The following ADAMTS19 variants were observed in gnomAD, a reference collection of about 807,000 sequenced individuals.
The protein encoded by ADAMTS19 is ADAM metallopeptidase with thrombospondin type 1 motif 19.
ADAMTS19 carries 93 observed loss-of-function variants against 153.3 expected under a neutral mutation model. The ratio of observed to expected loss-of-function variants is 0.61; its 90% CI spans 0.51 to 0.72. The LOEUF (loss-of-function observed/expected upper bound fraction) is 0.72. Among genes scored for constraint, ADAMTS19 ranks in the 30% least tolerant of loss-of-function variants. The pLI is 0.00. For missense variants in ADAMTS19, 1,482 were observed against 1,552.1 expected, an observed-to-expected ratio of 0.95 and a Z score of 0.76; for synonymous variants, 600 against 556.6, an observed-to-expected ratio of 1.08 and a Z score of -1.10.
intron 19 of ADAMTS19, among the ~76,000 whole-genome samples, chr5:129,695,460 G>C (rs917963770): frequency 6.6e-6 from 1 of 152,156 alleles, no homozygotes; most frequent in African/African-American, 2.4e-5. Flanking sequence ...TTCACAAGTA[G>C]AGGACAAAAC....
chr5:129,714,849 T>C (rs1211819296), intron 21 of ADAMTS19, among the ~76,000 whole-genome samples: 1 of 152,224 alleles, frequency 6.6e-6, no homozygotes, highest in Non-Finnish European at 1.5e-5. Context: ...TTGCTAACCA[T>C]ATTTATGAAG....
chr5:129,622,799 A>G (rs1474881181), intron 10 of ADAMTS19, among the ~76,000 whole-genome samples: 2 of 152,186 alleles, frequency 1.3e-5, no homozygotes, highest in Non-Finnish European at 2.9e-5. Context: ...AATACTTTAA[A>G]TCATCCCTAG....
intron 2 of ADAMTS19, among the ~76,000 whole-genome samples, chr5:129,507,661 CGTGTGT>C (rs71749669): frequency 2.1e-5 from 3 of 142,282 alleles, no homozygotes; most frequent in South Asian, 2.3e-4. Context: ...TGCCTGTGTA[CGTGTGT>C]GTGTGTGTGT....
intron 8 of ADAMTS19, among the ~76,000 whole-genome samples, chr5:129,616,550 C>G (rs531513818): frequency 6.6e-6 from 1 of 152,166 alleles, no homozygotes; most frequent in Admixed American, 6.6e-5. Flanking sequence ...GCTTCTCCAG[C>G]TTTCCGCAGG....
At chr5:129,555,748 C>T (rs1479830510) in intron 7 of ADAMTS19, among the ~76,000 whole-genome samples, 1 of 152,148 alleles carries the variant, frequency 6.6e-6, no homozygotes, top group Non-Finnish European at 1.5e-5. Flanking sequence ...CTAGACTCTA[C>T]CTCAGATCTT....
intron 7 of ADAMTS19, among the ~76,000 whole-genome samples, chr5:129,552,484 C>T (rs1229536125): frequency 6.6e-6 from 1 of 151,314 alleles, no homozygotes; most frequent in Non-Finnish European, 1.5e-5. Context: ...TAAAATGTAT[C>T]TATATAAATA....
intron 7 of ADAMTS19, among the ~76,000 whole-genome samples, chr5:129,595,410 C>G (rs1399558303): frequency 6.6e-6 from 1 of 152,056 alleles, no homozygotes; most frequent in Non-Finnish European, 1.5e-5. Flanking sequence ...CTAACTTTGC[C>G]ACACATGGGC....
intron 15 of ADAMTS19, among the ~76,000 whole-genome samples, chr5:129,663,045 C>T (rs1024784997): frequency 6.6e-6 from 1 of 151,944 alleles, no homozygotes; most frequent in Non-Finnish European, 1.5e-5. Context: ...CAGGCATGTG[C>T]CACTATACCC....
At chr5:129,686,796 C>T (rs971654344) in intron 18 of ADAMTS19, among the ~76,000 whole-genome samples, 1 of 152,130 alleles carries the variant, frequency 6.6e-6, no homozygotes, top group Non-Finnish European at 1.5e-5. Context: ...AAGGAATTCA[C>T]TTTGTGCCCC....
At chr5:129,529,984 G>A (rs2126771624) in intron 6 of ADAMTS19, among the ~76,000 whole-genome samples, 1 of 152,188 alleles carries the variant, frequency 6.6e-6, no homozygotes, top group East Asian at 1.9e-4. Context: ...CCAATTTACA[G>A]AGGCTTGGGT....
chr5:129,622,405 G>GT, intron 10 of ADAMTS19, 57 bp downstream of exon 10: 2 of 1,575,398 alleles, frequency 1.3e-6, no homozygotes, highest in South Asian at 2.3e-5. Flanking sequence ...GTATTGATTG[G>GT]TAGGAGAAGG....
intron 21 of ADAMTS19, among the ~76,000 whole-genome samples, chr5:129,729,027 T>C (rs1387148364): frequency 6.6e-6 from 1 of 152,098 alleles, no homozygotes; most frequent in African/African-American, 2.4e-5. Flanking sequence ...GCTTCACCAC[T>C]TAGAAATTTT....
At chr5:129,656,103 T>C (rs1320075478) in intron 14 of ADAMTS19, among the ~76,000 whole-genome samples, 1 of 152,180 alleles carries the variant, frequency 6.6e-6, no homozygotes, top group Non-Finnish European at 1.5e-5. Flanking sequence ...TGCTATGCTT[T>C]TTACTTAACA....
chr5:129,700,874 C>A (rs760601485), intron 19 of ADAMTS19, among the ~76,000 whole-genome samples: 4 of 151,198 alleles, frequency 2.6e-5, no homozygotes, highest in Non-Finnish European at 5.9e-5. Flanking sequence ...GAAGCCTGGG[C>A]ATCTTGCAGA....
chr5:129,596,499 C>G, intron 7 of ADAMTS19, 60 bp from the exon 8 acceptor site: 1 of 1,105,966 alleles, frequency 9.0e-7, no homozygotes, highest in Non-Finnish European at 1.3e-6. Context: ...CTGCTAATAA[C>G]TAGTATAAAT....
intron 3 of ADAMTS19, among the ~76,000 whole-genome samples, chr5:129,511,611 T>C (rs1354105739): frequency 6.6e-6 from 1 of 151,242 alleles, no homozygotes; most frequent in Non-Finnish European, 1.5e-5. Flanking sequence ...AGAACTACAA[T>C]AGACTTAGCA....
rs1307352645 is a variant in ADAMTS19, at chr5:129,461,180, C to G, written c.170C>G (p.Ala57Gly). 3 of 1,367,480 alleles carry G rather than the reference C, an allele frequency of 2.2e-6. No homozygotes were observed. In the African/African-American group the frequency reaches 4.5e-5, roughly 21 times the overall value. The allele number at this position is 1,367,480 out of a possible 1,614,324, so 84.7% of individuals were successfully genotyped here. A position where few individuals can be genotyped will look rare whatever the true frequency, so the allele number is the denominator to read the frequency against. ...TGGCGCCGGGAGCCGGTGGACCCGG[C>G]TGGCGGCAGCGGGGGCAGCGCGGAC... ...ALWRREPVDP[A>G]GGSGGSADPG... The change falls in exon 2 of 23, where the codon GCT (alanine) becomes GGT (glycine). Residue 57 changes from alanine (A) to glycine (G), a missense_variant. Ala to Gly is a moderately conservative substitution (Grantham distance 60). Around this residue, in one of 2 missense-constraint regions of ADAMTS19, gnomAD observed 866 missense variants for 827.7 expected, o/e 1.05. Coordinates refer to ENST00000274487, the MANE Select transcript of ADAMTS19 (RefSeq NM_133638.6). This position sits in a 1 kb window ranked among gnomAD's most constrained non-coding sequence, Gnocchi z 4.6.
chr5:129,475,548 G>A (rs1352559313), intron 2 of ADAMTS19, among the ~76,000 whole-genome samples: 1 of 152,030 alleles, frequency 6.6e-6, no homozygotes, highest in Non-Finnish European at 1.5e-5. Context: ...AATTGTTGTG[G>A]CCTGCCAGAC....
intron 2 of ADAMTS19, among the ~76,000 whole-genome samples, chr5:129,507,025 T>C (rs1294106069): frequency 2.6e-5 from 4 of 152,076 alleles, no homozygotes; most frequent in African/African-American, 9.7e-5. Context: ...GAATCTTTTC[T>C]TGGAGTCATT....
Sources: gnomAD v4.1 joint callset for allele counts (sites outside exome capture counted in the v4.1 genomes callset) on GRCh38, gnomAD v4.1.1 for gene constraint, gnomAD v4.1.1 regional missense constraint, Gnocchi (gnomAD v3.1) non-coding constraint, MANE v1.5 for transcripts, NCBI Gene and HGNC (gene_info 2026-07-23, HGNC 2026-07-21) for gene names.